The following WDR7 variants were observed in gnomAD, a reference collection of about 807,000 sequenced individuals.
WDR7 encodes WD repeat domain 7.
Under a neutral mutation model 169.4 loss-of-function variants are expected in WDR7, and 46 were observed. That is an observed-to-expected ratio of 0.27 (90% confidence interval 0.21 to 0.35). The LOEUF is 0.35. WDR7 is among the 10% of genes least tolerant of loss of function. WDR7 has a pLI of 1.00. For missense variants in WDR7, 1,534 were observed against 1,859.3 expected (o/e 0.83, Z 3.22); for synonymous variants, 612 against 666.8 (o/e 0.92, Z 1.27).
chr18:56,939,497 G>T, intron 25 of WDR7, 104 bp downstream of exon 25: 1 of 673,734 alleles, frequency 1.5e-6, no homozygotes, highest in Non-Finnish European at 2.2e-6. Flanking sequence ...TAGAAATCCA[G>T]TTATTTATTA....
intron 14 of WDR7, among the ~76,000 whole-genome samples, chr18:56,738,111 G>A (rs546016537): frequency 3.2e-4 from 48 of 152,246 alleles, no homozygotes; most frequent in African/African-American, 1.1e-3. Context: ...AGGAGTAAAT[G>A]CCTGTGACTG....
chr18:56,990,702 A>G (rs1369060288), intron 26 of WDR7, among the ~76,000 whole-genome samples: 1 of 152,182 alleles, frequency 6.6e-6, no homozygotes, highest in Non-Finnish European at 1.5e-5. Flanking sequence ...TATTACTAAT[A>G]ATACTTAGGA....
intron 27 of WDR7, 111 bp downstream of exon 27, chr18:57,020,960 C>T (rs955834124): frequency 3.4e-6 from 3 of 879,992 alleles, no homozygotes; most frequent in African/African-American, 3.3e-5. Context: ...CTCCCTCCCT[C>T]CTTGCAGCAA....
chr18:56,837,694 T>C (rs1448402220), intron 20 of WDR7, among the ~76,000 whole-genome samples: 2 of 152,304 alleles, frequency 1.3e-5, no homozygotes, highest in Non-Finnish European at 2.9e-5. Flanking sequence ...AGTTTCGCTT[T>C]TGTCGCCCAG....
intron 14 of WDR7, among the ~76,000 whole-genome samples, chr18:56,741,664 A>G (rs1183241732): frequency 6.6e-6 from 1 of 152,152 alleles, no homozygotes; most frequent in Non-Finnish European, 1.5e-5. Context: ...AAAATTTCCA[A>G]CTCAGGGTAC....
intron 21 of WDR7, among the ~76,000 whole-genome samples, chr18:56,895,964 G>A (rs1329164047): frequency 1.3e-5 from 2 of 151,624 alleles, no homozygotes; most frequent in Non-Finnish European, 3.0e-5. Flanking sequence ...GATTTATTTT[G>A]TTTTATTCAA....
chr18:56,979,123 G>A (rs553977530), intron 26 of WDR7, among the ~76,000 whole-genome samples: 10 of 152,068 alleles, frequency 6.6e-5, no homozygotes, highest in South Asian at 2.1e-4. Flanking sequence ...TGATATTGCC[G>A]CAAACAATGA....
chr18:56,797,033 C>A (rs1268629503), intron 19 of WDR7, among the ~76,000 whole-genome samples: 1 of 152,134 alleles, frequency 6.6e-6, no homozygotes, highest in African/African-American at 2.4e-5. Flanking sequence ...TCATGCCTTT[C>A]TTTCCCTCCC....
At chr18:56,806,891 A>G (rs2044782152) in intron 19 of WDR7, among the ~76,000 whole-genome samples, 2 of 152,086 alleles carry the variant, frequency 1.3e-5, no homozygotes, top group Admixed American at 6.6e-5. Flanking sequence ...TATGTTTACC[A>G]TTTTAATGGC....
chr18:57,008,589 C>G (rs1031061997), intron 26 of WDR7, among the ~76,000 whole-genome samples: 2 of 152,206 alleles, frequency 1.3e-5, no homozygotes, highest in African/African-American at 4.8e-5. Context: ...TTAGACTCAT[C>G]TCTTGTTCTT....
intron 12 of WDR7, 34 bp downstream of exon 12, chr18:56,696,496 T>C: frequency 1.3e-6 from 2 of 1,533,568 alleles, no homozygotes; most frequent in Non-Finnish European, 1.8e-6. Context: ...TATTTCACTA[T>C]GGTAGAGCCA....
intron 26 of WDR7, among the ~76,000 whole-genome samples, chr18:57,018,152 A>T (rs2048233558): frequency 6.6e-6 from 1 of 152,210 alleles, no homozygotes; most frequent in Non-Finnish European, 1.5e-5. Flanking sequence ...TTAAGGAAGG[A>T]TGCTAATCTG....
At chr18:56,904,503 A>C (rs529287765) in intron 21 of WDR7, among the ~76,000 whole-genome samples, 1 of 152,284 alleles carries the variant, frequency 6.6e-6, no homozygotes, top group African/African-American at 2.4e-5. Flanking sequence ...TTGGGGCAAC[A>C]ATATGTTTTT....
intron 22 of WDR7, among the ~76,000 whole-genome samples, chr18:56,926,917 G>A (rs117214119): frequency 0.016 from 2,455 of 151,962 alleles, 31 homozygotes; most frequent in Non-Finnish European, 0.027. Flanking sequence ...GGTTAAGTGT[G>A]GATCTTACCC....
At position 56,803,404 on chromosome 18, in the gene WDR7, G is replaced by A. The variant is rs143401680; in HGVS notation, c.3191-12627G>A. On this transcript the variant is annotated intron_variant, in intron 19 of 27. Transcript: ENST00000254442. ...CCTATTTGTGTGTTTGTGTGTGTAT[G>A]TGTTTAGATATTTGAAAATAACATT... 1.3e-4 allele frequency among the ~76,000 whole-genome samples: 20 copies of A among 152,274 alleles called. No homozygotes were observed. In the East Asian group the frequency reaches 3.9e-3, roughly 29 times the overall value.
intron 14 of WDR7, among the ~76,000 whole-genome samples, chr18:56,754,838 A>G (rs1476050360): frequency 6.6e-6 from 1 of 152,222 alleles, no homozygotes; most frequent in East Asian, 1.9e-4. Flanking sequence ...ATTGGATCAA[A>G]CAATATCAAT....
chr18:56,894,448 A>G (rs2046304709), intron 21 of WDR7, among the ~76,000 whole-genome samples: 1 of 151,974 alleles, frequency 6.6e-6, no homozygotes, highest in Non-Finnish European at 1.5e-5. Context: ...TCTTTCCCCC[A>G]GATACCTGCT....
chr18:56,831,787 G>C (rs1221254694), intron 20 of WDR7, among the ~76,000 whole-genome samples: 1 of 152,090 alleles, frequency 6.6e-6, no homozygotes, highest in Non-Finnish European at 1.5e-5. Flanking sequence ...GTGCCATGAG[G>C]GACAGTGCTG....
At chr18:57,022,607 T>G (rs549458059) in intron 27 of WDR7, among the ~76,000 whole-genome samples, 2 of 152,370 alleles carry the variant, frequency 1.3e-5, no homozygotes, top group African/African-American at 2.4e-5. Flanking sequence ...CAGGAGTATT[T>G]TAAATGAAAT....
Sources: gnomAD v4.1 joint callset for allele counts (sites outside exome capture counted in the v4.1 genomes callset) on GRCh38, gnomAD v4.1.1 for gene constraint, MANE v1.5 for transcripts, NCBI Gene and HGNC (gene_info 2026-07-23, HGNC 2026-07-21) for gene names.